CPNE5: variants seen among roughly 807,000 people sequenced by gnomAD.
CPNE5 encodes copine 5, also known as copine-5.
In CPNE5, 42 loss-of-function variants were observed where a neutral mutation model predicts 81.1. The observed-to-expected ratio is 0.52, with a 90% CI of 0.40 to 0.67. The LOEUF is 0.67. Ranked by LOEUF, CPNE5 falls within the 30% of genes least tolerant of loss-of-function variation. The pLI is 0.00. For missense variants in CPNE5, 612 were observed against 815.5 expected (o/e 0.75, Z 3.04); for synonymous variants, 313 against 321.5 (o/e 0.97, Z 0.28).
intron 1 of CPNE5, among the ~76,000 whole-genome samples, chr6:36,835,926 C>T (rs1416885507): frequency 3.9e-5 from 6 of 152,136 alleles, no homozygotes; most frequent in Admixed American, 2.6e-4. Flanking sequence ...CAACATCAGT[C>T]GCTATTCATG....
chr6:36,822,534 G>A lies in CPNE5; in HGVS notation c.137-374C>T, dbSNP rs149838092. On this transcript the variant is annotated intron_variant, in intron 2 of 20. Transcript: ENST00000244751. ...GTGTGAGGCAGGTAGACGGGTGGGT[G>A]TGATGGACGACAAGCAGAGGTGTGG... 7.4e-3 allele frequency among the ~76,000 whole-genome samples: 1,134 copies of A among 152,284 alleles called. 19 individuals are homozygous for A. Among genetic ancestry groups the A allele is most frequent in the African/African-American group, 0.026 (1,083 of 41,538 alleles).
intron 6 of CPNE5, among the ~76,000 whole-genome samples, chr6:36,797,775 T>C (rs1769725371): frequency 6.6e-6 from 1 of 152,200 alleles, no homozygotes; most frequent in Non-Finnish European, 1.5e-5. Flanking sequence ...GAATATGCTA[T>C]GTGAGTAGAG....
chr6:36,783,028 C>T (rs1455169939), intron 8 of CPNE5, among the ~76,000 whole-genome samples: 4 of 152,074 alleles, frequency 2.6e-5, no homozygotes, highest in Non-Finnish European at 5.9e-5. Flanking sequence ...AAGGAGATGG[C>T]CTGTGTCACA....
intron 3 of CPNE5, among the ~76,000 whole-genome samples, chr6:36,809,177 C>A (rs941636035): frequency 1.3e-5 from 2 of 152,058 alleles, no homozygotes; most frequent in African/African-American, 4.8e-5. Flanking sequence ...ACCTCTATCC[C>A]TCCCCTTGCA....
Position 36,746,234 on chromosome 6 carries a change from G to A in CPNE5, c.1200+162C>T. 2.0e-6 allele frequency: 2 copies of A among 984,596 alleles called. No homozygotes were observed. The highest frequency in any genetic ancestry group is 2.4e-6 in the Non-Finnish European group (2 of 829,174). The allele number at this position is 984,596 out of a possible 1,614,324, so 61.0% of individuals were successfully genotyped here. A position where few individuals can be genotyped will look rare whatever the true frequency, so the allele number is the denominator to read the frequency against. On this transcript the variant is annotated intron_variant, in intron 16 of 20. Coordinates refer to ENST00000244751, the MANE Select transcript of CPNE5 (RefSeq NM_020939.2). The surrounding 1 kb of genome is among the most constrained non-coding windows in gnomAD (Gnocchi z 4.5). ...GCAGCATCTGTGATCAGGGAAGGGA[G>A]TGGATTTCTGGAGCCCCCCTACACA...
chr6:36,803,824 C>T (rs761998349), intron 3 of CPNE5, among the ~76,000 whole-genome samples: 1 of 152,100 alleles, frequency 6.6e-6, no homozygotes, highest in Non-Finnish European at 1.5e-5. Flanking sequence ...TTTAAAAATA[C>T]CCATGCTCAG....
chr6:36,791,346 C>T (rs1243848827), intron 8 of CPNE5, among the ~76,000 whole-genome samples: 1 of 152,176 alleles, frequency 6.6e-6, no homozygotes, highest in Non-Finnish European at 1.5e-5. Context: ...GTACCTGCCT[C>T]TTAGGATGAT....
At chr6:36,833,752 T>C (rs1259232676) in intron 1 of CPNE5, among the ~76,000 whole-genome samples, 1 of 152,186 alleles carries the variant, frequency 6.6e-6, no homozygotes, top group African/African-American at 2.4e-5. Flanking sequence ...TGCCAATACC[T>C]TGATTCCAGC....
intron 1 of CPNE5, among the ~76,000 whole-genome samples, chr6:36,833,902 T>A (rs1031151688): frequency 5.3e-5 from 8 of 152,044 alleles, no homozygotes; most frequent in Non-Finnish European, 1.2e-4. Flanking sequence ...AGAACTAATA[T>A]AATAACCTTA....
At chr6:36,828,777 G>A (rs960645948) in intron 1 of CPNE5, among the ~76,000 whole-genome samples, 2 of 152,228 alleles carry the variant, frequency 1.3e-5, no homozygotes, top group South Asian at 4.1e-4. Flanking sequence ...CTAAGCATCC[G>A]TCCAACCTTG....
chr6:36,784,498 A>G (rs1411732320), intron 8 of CPNE5, among the ~76,000 whole-genome samples: 1 of 152,220 alleles, frequency 6.6e-6, no homozygotes, highest in Non-Finnish European at 1.5e-5. Context: ...ACCCCTTGAT[A>G]TATGTGTGAA....
At chr6:36,752,606 G>A (rs1271877865) in intron 14 of CPNE5, 1 of 157,046 alleles carries the variant, frequency 6.4e-6, no homozygotes, top group Non-Finnish European at 1.4e-5. Context: ...GTGTACAGAG[G>A]AGGAAACTGA....
intron 15 of CPNE5, 51 bp downstream of exon 15, chr6:36,748,170 C>T: frequency 6.4e-7 from 1 of 1,568,580 alleles, no homozygotes; most frequent in Non-Finnish European, 8.8e-7. Flanking sequence ...TGCCACAGCC[C>T]TTAAAAGCTC....
At chr6:36,785,560 C>T (rs1203748855) in intron 8 of CPNE5, among the ~76,000 whole-genome samples, 3 of 152,114 alleles carry the variant, frequency 2.0e-5, no homozygotes, top group African/African-American at 7.2e-5. Context: ...TGCCTTACAA[C>T]TTACATGCCC....
In CPNE5 at chr6:36,746,135, C is replaced by T; in HGVS notation, c.1200+261G>A. The stretch of plus-strand genomic sequence containing the variant: ...GGATGGGTCAGCCACAGCTCGCCTC[C>T]ACCTGCACCTGCGTCTTGTCAGGAA... On this transcript the variant is annotated intron_variant, in intron 16 of 20. Coordinates refer to ENST00000244751, the MANE Select transcript of CPNE5 (RefSeq NM_020939.2). This position sits in a 1 kb window ranked among gnomAD's most constrained non-coding sequence, Gnocchi z 4.5. The T allele has an allele frequency of 9.1e-6, 9 of 985,090 alleles. No individual in the cohort carries two copies. Among genetic ancestry groups the T allele is most frequent in the Non-Finnish European group, 9.6e-6 (8 of 829,606 alleles). 61.0% of individuals were successfully genotyped at this position (985,090 alleles called of 1,614,324 possible). A position where few individuals can be genotyped will look rare whatever the true frequency, so the allele number is the denominator to read the frequency against.
chr6:36,797,142 G>A (rs549908749), intron 6 of CPNE5, among the ~76,000 whole-genome samples: 2 of 152,348 alleles, frequency 1.3e-5, no homozygotes, highest in South Asian at 2.1e-4. Context: ...CCTGAGCTCA[G>A]GCGATCCATC....
chr6:36,834,484 C>T lies in CPNE5; in HGVS notation c.95+4799G>A, dbSNP rs150137460. Among the ~76,000 whole-genome samples the T allele has an allele frequency of 6.5e-3, 981 of 151,706 alleles. 9 individuals carry two copies. The highest frequency in any genetic ancestry group is 0.023 in the African/African-American group (947 of 41,276). On this transcript the variant is annotated intron_variant, in intron 1 of 20. Coordinates refer to ENST00000244751, the MANE Select transcript of CPNE5 (RefSeq NM_020939.2). ...CAGCCTGACCAACATGGTGAAACCC[C>T]GTCTCCAGTAAAAATACAAAACTCA... is the stretch of plus-strand genomic sequence containing the variant.
intron 3 of CPNE5, among the ~76,000 whole-genome samples, chr6:36,810,653 G>T (rs1771024257): frequency 6.6e-6 from 1 of 152,212 alleles, no homozygotes; most frequent in African/African-American, 2.4e-5. Context: ...ACCATCTTGG[G>T]TCTGGAAAGT....
chr6:36,838,756 T>C, intron 1 of CPNE5: 2 of 984,022 alleles, frequency 2.0e-6, no homozygotes, highest in Non-Finnish European at 1.2e-6. Context: ...TTGATAGAGA[T>C]GAAGGAAGGC....
Sources: allele counts gnomAD v4.1 joint callset (sites outside exome capture counted in the v4.1 genomes callset), GRCh38; gene constraint gnomAD v4.1.1; non-coding constraint Gnocchi (gnomAD v3.1); transcripts MANE v1.5; gene names NCBI Gene and HGNC (gene_info 2026-07-23, HGNC 2026-07-21).